Variants in ADAMTS12 observed in about 807,000 individuals in gnomAD.
ADAMTS12 encodes the protein ADAM metallopeptidase with thrombospondin type 1 motif 12, also known as A disintegrin and metalloproteinase with thrombospondin motifs 12.
A neutral mutation model predicts 167.8 loss-of-function variants in ADAMTS12; 118 were observed. The ratio of observed to expected loss-of-function variants is 0.70; its 90% CI spans 0.61 to 0.82. ADAMTS12 has a LOEUF of 0.82. Among genes scored for constraint, ADAMTS12 ranks in the 40% least tolerant of loss-of-function variants. The probability of loss-of-function intolerance (pLI) is 0.00; values close to 1 mark genes in which losing one functional copy is unlikely to be tolerated. For missense variants in ADAMTS12, 1,916 were observed against 1,998.8 expected, an observed-to-expected ratio of 0.96 and a Z score of 0.79; for synonymous variants, 704 against 716.9, an observed-to-expected ratio of 0.98 and a Z score of 0.29.
intron 3 of ADAMTS12, among the ~76,000 whole-genome samples, chr5:33,705,690 G>A (rs6861143): frequency 0.61 from 92,716 of 151,752 alleles, 29,490 homozygotes; most frequent in Non-Finnish European, 0.69. Flanking sequence ...GGCACCTGTA[G>A]TCCAGCTATT....
At chr5:33,729,700 G>A (rs1446497437) in intron 3 of ADAMTS12, among the ~76,000 whole-genome samples, 1 of 152,200 alleles carries the variant, frequency 6.6e-6, no homozygotes, top group African/African-American at 2.4e-5. Context: ...AAAGTCAGAG[G>A]CATCACCCGA....
chr5:33,729,931 C>T (rs55817365), intron 3 of ADAMTS12, among the ~76,000 whole-genome samples: 15,588 of 152,260 alleles, frequency 0.1, 1,174 homozygotes, highest in Non-Finnish European at 0.15. Context: ...ATATTACTTA[C>T]TAAACCACCC....
chr5:33,706,584 G>A (rs1010383319), intron 3 of ADAMTS12, among the ~76,000 whole-genome samples: 8 of 152,132 alleles, frequency 5.3e-5, no homozygotes, highest in African/African-American at 9.7e-5. Flanking sequence ...ACAGCACACC[G>A]ATGGGTCTTG....
intron 2 of ADAMTS12, among the ~76,000 whole-genome samples, chr5:33,871,648 C>A (rs961121843): frequency 1.3e-5 from 2 of 151,738 alleles, no homozygotes; most frequent in African/African-American, 4.8e-5. Context: ...GAGCAGAACT[C>A]AATGCAGTTA....
intron 2 of ADAMTS12, among the ~76,000 whole-genome samples, chr5:33,783,431 A>G (rs1746213752): frequency 6.6e-6 from 1 of 151,898 alleles, no homozygotes; most frequent in Admixed American, 6.6e-5. Context: ...AAAAAAGTCA[A>G]CAAAAAACCA....
chr5:33,604,777 T>C (rs1221208509), intron 16 of ADAMTS12, among the ~76,000 whole-genome samples: 1 of 151,848 alleles, frequency 6.6e-6, no homozygotes, highest in African/African-American at 2.4e-5. Context: ...GCAAAAGTAT[T>C]AGAAAGGGTG....
At chr5:33,651,387 T>C (rs1423789556) in intron 7 of ADAMTS12, among the ~76,000 whole-genome samples, 2 of 152,244 alleles carry the variant, frequency 1.3e-5, no homozygotes. Flanking sequence ...ACTTGGGTGA[T>C]AGCACAAGTT....
chr5:33,614,918 T>C (rs779943109), intron 15 of ADAMTS12, among the ~76,000 whole-genome samples: 13 of 152,046 alleles, frequency 8.6e-5, no homozygotes, highest in Non-Finnish European at 1.5e-4. Flanking sequence ...ATGTTTGTTA[T>C]TGTTGTCTTA....
chr5:33,577,442 C>T (rs528914494), intron 18 of ADAMTS12, among the ~76,000 whole-genome samples: 8 of 152,088 alleles, frequency 5.3e-5, no homozygotes, highest in Admixed American at 3.3e-4. Context: ...TCATGGATGG[C>T]GGGATCCACA....
At chr5:33,530,642 A>G (rs1188885757) in intron 23 of ADAMTS12, among the ~76,000 whole-genome samples, 1 of 152,186 alleles carries the variant, frequency 6.6e-6, no homozygotes, top group African/African-American at 2.4e-5. Context: ...GCTGACAGCA[A>G]CCGTTCCACA....
intron 14 of ADAMTS12, among the ~76,000 whole-genome samples, chr5:33,622,174 C>T (rs1349717852): frequency 6.6e-6 from 1 of 152,094 alleles, no homozygotes; most frequent in Non-Finnish European, 1.5e-5. Flanking sequence ...CATTTATAAT[C>T]CCTCTTTCTC....
At chr5:33,742,605 C>T (rs902908125) in intron 3 of ADAMTS12, among the ~76,000 whole-genome samples, 2 of 152,182 alleles carry the variant, frequency 1.3e-5, no homozygotes, top group Non-Finnish European at 2.9e-5. Flanking sequence ...CTCATTTACT[C>T]ATGCAATTAA....
At chr5:33,677,888 C>A (rs773356227) in intron 5 of ADAMTS12, among the ~76,000 whole-genome samples, 1 of 152,166 alleles carries the variant, frequency 6.6e-6, no homozygotes, top group African/African-American at 2.4e-5. Context: ...ACACCCAATA[C>A]TCCAATTTAT....
intron 1 of ADAMTS12, among the ~76,000 whole-genome samples, chr5:33,888,427 A>C (rs1175944886): frequency 6.6e-6 from 1 of 152,264 alleles, no homozygotes; most frequent in Non-Finnish European, 1.5e-5. Context: ...CTTTATGATA[A>C]CTAATGTGCT....
intron 5 of ADAMTS12, among the ~76,000 whole-genome samples, chr5:33,672,667 G>A (rs955434757): frequency 5.9e-5 from 9 of 152,118 alleles, no homozygotes; most frequent in Admixed American, 2.6e-4. Context: ...TGTCTGTTTC[G>A]AAAAAGCGAA....
chr5:33,822,038 C>T (rs746726201), intron 2 of ADAMTS12, among the ~76,000 whole-genome samples: 11 of 152,036 alleles, frequency 7.2e-5, no homozygotes, highest in Non-Finnish European at 1.3e-4. Flanking sequence ...TACAAATGTC[C>T]TCTATAATAT....
At chr5:33,855,603 T>A (rs1749368492) in intron 2 of ADAMTS12, among the ~76,000 whole-genome samples, 1 of 152,244 alleles carries the variant, frequency 6.6e-6, no homozygotes, top group Non-Finnish European at 1.5e-5. Flanking sequence ...CCTTCGAACA[T>A]GACTACTGGG....
At chr5:33,876,740 G>A (rs1171793049) in intron 2 of ADAMTS12, among the ~76,000 whole-genome samples, 2 of 152,110 alleles carry the variant, frequency 1.3e-5, no homozygotes, top group Non-Finnish European at 2.9e-5. Context: ...AGCTATAAAA[G>A]GATAACATGA....
rs557462554 is a variant in ADAMTS12, at chr5:33,721,336, C to T, written c.634+30068G>A. Among the ~76,000 whole-genome samples the T allele has an allele frequency of 5.5e-4, 84 of 152,170 alleles. 1 individual carries two copies. The highest frequency in any genetic ancestry group is 6.8e-3 in the Middle Eastern group (2 of 294). On this transcript the variant is annotated intron_variant, in intron 3 of 23. Transcript: ENST00000504830. ...TGAAAGTTTACAAACTGTGCACTTA[C>T]GACATAATAACTTTTTCAGTTGAAT...
Sources: gnomAD v4.1 joint callset for allele counts (sites outside exome capture counted in the v4.1 genomes callset) on GRCh38, gnomAD v4.1.1 for gene constraint, MANE v1.5 for transcripts, NCBI Gene and HGNC (gene_info 2026-07-23, HGNC 2026-07-21) for gene names.